UBR3: variants seen among roughly 807,000 people sequenced by gnomAD.
UBR3 encodes the protein E3 ubiquitin-protein ligase UBR3.
UBR3 carries 85 observed loss-of-function variants against 243.2 expected under a neutral mutation model. The observed-to-expected ratio is 0.35, with a 90% CI of 0.29 to 0.42. UBR3 has a LOEUF of 0.42. Among genes scored for constraint, UBR3 ranks in the 10% least tolerant of loss-of-function variants. UBR3 has a pLI of 1.00. For synonymous variants in UBR3, 748 were observed against 799.8 expected (o/e 0.94, Z 1.09); for missense variants, 1,686 against 2,300.8 (o/e 0.73, Z 5.47).
intron 36 of UBR3, chr2:170,078,130 A>G (rs752665824): frequency 1.3e-5 from 8 of 612,744 alleles, no homozygotes; most frequent in Middle Eastern, 5.1e-4. Context: ...TTTTCTCAGC[A>G]TGGTGCTGTT....
At chr2:170,051,800 T>C (rs1418380407) in intron 32 of UBR3, among the ~76,000 whole-genome samples, 1 of 152,238 alleles carries the variant, frequency 6.6e-6, no homozygotes, top group Non-Finnish European at 1.5e-5. Context: ...TGTCACTTAT[T>C]AAAATATTTC....
chr2:169,967,145 G>C (rs1404459097), intron 24 of UBR3, among the ~76,000 whole-genome samples: 1 of 152,130 alleles, frequency 6.6e-6, no homozygotes. Context: ...TTATACAGTA[G>C]TAAGTGTGGA....
chr2:170,021,171 A>T (rs1399551653), intron 30 of UBR3, among the ~76,000 whole-genome samples: 1 of 152,136 alleles, frequency 6.6e-6, no homozygotes, highest in Non-Finnish European at 1.5e-5. Flanking sequence ...GTTTCTATAG[A>T]TTGTAAATCT....
chr2:169,908,018 C>G (rs549618435), intron 10 of UBR3, among the ~76,000 whole-genome samples: 1 of 152,254 alleles, frequency 6.6e-6, no homozygotes, highest in Admixed American at 6.5e-5. Flanking sequence ...GTGATCTGCC[C>G]ACCTCAGCCT....
intron 1 of UBR3, among the ~76,000 whole-genome samples, chr2:169,841,219 G>A (rs1202876102): frequency 1.3e-5 from 2 of 151,840 alleles, no homozygotes; most frequent in Non-Finnish European, 2.9e-5. Flanking sequence ...TCACCTCATT[G>A]TCTCTCCTTG....
intron 25 of UBR3, among the ~76,000 whole-genome samples, chr2:169,990,716 T>TAC (rs147119929): frequency 1.7e-3 from 248 of 142,080 alleles, no homozygotes; most frequent in African/African-American, 6.3e-3. Context: ...AAAAAAGTTA[T>TAC]ACACACACAC....
chr2:169,848,195 A>G (rs1249352763), intron 1 of UBR3, among the ~76,000 whole-genome samples: 1 of 152,150 alleles, frequency 6.6e-6, no homozygotes, highest in Non-Finnish European at 1.5e-5. Context: ...CCATTGGTTC[A>G]TTTATTTTAT....
intron 1 of UBR3, among the ~76,000 whole-genome samples, chr2:169,863,807 G>A (rs557378339): frequency 2.6e-5 from 4 of 152,244 alleles, no homozygotes; most frequent in Middle Eastern, 6.8e-3. Flanking sequence ...CAATTTAGGC[G>A]TTATAAATGG....
At chr2:169,957,437 T>A (rs750949401) in intron 23 of UBR3, among the ~76,000 whole-genome samples, 2 of 151,908 alleles carry the variant, frequency 1.3e-5, no homozygotes, top group Admixed American at 1.3e-4. Context: ...CTGGAAACCG[T>A]CATTCTGACC....
At chr2:169,890,797 C>G (rs1468180228) in intron 5 of UBR3, among the ~76,000 whole-genome samples, 1 of 148,666 alleles carries the variant, frequency 6.7e-6, no homozygotes, top group Non-Finnish European at 1.5e-5. Flanking sequence ...TGTTTTAGTC[C>G]TCTCCTCTTC....
intron 24 of UBR3, among the ~76,000 whole-genome samples, chr2:169,982,491 T>G (rs2088785167): frequency 6.6e-6 from 1 of 152,148 alleles, no homozygotes; most frequent in Non-Finnish European, 1.5e-5. Context: ...GGAAATTTTA[T>G]GTAACAGTGT....
intron 18 of UBR3, among the ~76,000 whole-genome samples, chr2:169,929,530 C>T (rs762347044): frequency 2.0e-5 from 3 of 151,920 alleles, no homozygotes; most frequent in Non-Finnish European, 2.9e-5. Context: ...GAGACCCTAT[C>T]GTGGCCACTG....
chr2:169,958,671 G>A (rs538757552), intron 24 of UBR3, 145 bp downstream of exon 24: 1 of 639,318 alleles, frequency 1.6e-6, no homozygotes. Flanking sequence ...AGTGATGGAA[G>A]ATCAGACTTT....
chr2:170,068,623 GA>G (rs1275405665), intron 35 of UBR3, among the ~76,000 whole-genome samples: 1 of 152,126 alleles, frequency 6.6e-6, no homozygotes, highest in Non-Finnish European at 1.5e-5. Flanking sequence ...AGAAATCAGT[GA>G]AGTTGTAATA....
At chr2:169,975,799 C>A (rs1362136934) in intron 24 of UBR3, among the ~76,000 whole-genome samples, 1 of 151,924 alleles carries the variant, frequency 6.6e-6, no homozygotes, top group Non-Finnish European at 1.5e-5. Flanking sequence ...AAGACTCTGT[C>A]TCTAAAAAAA....
In UBR3 at chr2:170,081,978, C is replaced by A; in HGVS notation, c.*135C>A. On this transcript the variant is annotated 3_prime_UTR_variant, in exon 39 of 39. Coordinates refer to ENST00000272793, the MANE Select transcript of UBR3 (RefSeq NM_172070.4). ...GAAAACATACATTATGAAGCCTTTC[C>A]AAAATTAGGTGCTTGGTAATCACGT... 1.8e-6 allele frequency: 1 copy of A among 560,884 alleles called. No homozygotes were observed. The highest frequency in any genetic ancestry group is 3.0e-6 in the Non-Finnish European group (1 of 338,530). 34.7% of individuals were successfully genotyped at this position (560,884 alleles called of 1,614,324 possible).
chr2:170,031,441 A>G (rs190855307), intron 31 of UBR3, among the ~76,000 whole-genome samples: 5 of 150,432 alleles, frequency 3.3e-5, no homozygotes, highest in Admixed American at 3.3e-4. Context: ...GCCTTCCTCT[A>G]CTCCCTAGTT....
chr2:170,002,287 T>C (rs1295683222), intron 27 of UBR3, among the ~76,000 whole-genome samples: 1 of 152,180 alleles, frequency 6.6e-6, no homozygotes, highest in Non-Finnish European at 1.5e-5. Flanking sequence ...TAATGATTAT[T>C]ATCACAAACT....
chr2:169,967,237 C>CA (rs1225934550), intron 24 of UBR3, among the ~76,000 whole-genome samples: 2 of 132,060 alleles, frequency 1.5e-5, no homozygotes, highest in Non-Finnish European at 3.3e-5. Flanking sequence ...TATGCCCCCC[C>CA]CACCCCCCTA....
Sources: allele counts gnomAD v4.1 joint callset (sites outside exome capture counted in the v4.1 genomes callset), GRCh38; gene constraint gnomAD v4.1.1; transcripts MANE v1.5; gene names NCBI Gene and HGNC (gene_info 2026-07-23, HGNC 2026-07-21).